Variants in PIK3R3 observed in about 807,000 individuals in gnomAD.
The protein encoded by PIK3R3 is phosphoinositide-3-kinase regulatory subunit 3.
A neutral mutation model predicts 62.9 loss-of-function variants in PIK3R3; 64 were observed. That is an observed-to-expected ratio of 1.02 (90% CI 0.83 to 1.25). The LOEUF is 1.25. PIK3R3 is among the 50% of genes most tolerant of loss of function. The pLI is 0.00. For synonymous variants in PIK3R3, 165 were observed against 189.0 expected (o/e 0.87, Z 1.04); for missense variants, 614 against 561.6 (o/e 1.09, Z -0.94).
chr1:46,088,851 G>C (rs12123155), intron 1 of PIK3R3, among the ~76,000 whole-genome samples: 17,181 of 145,770 alleles, frequency 0.12, 1,353 homozygotes, highest in Non-Finnish European at 0.17. Flanking sequence ...TGGGGGAAAA[G>C]AGAAGGTCCT....
rs1201576767 is a variant in PIK3R3, at chr1:46,051,325, AT to A, written c.941+4469del. Among the ~76,000 whole-genome samples, 4 of 151,790 alleles carry A rather than the reference AT, an allele frequency of 2.6e-5. No homozygotes were observed. The East Asian group carries it at 7.7e-4, about 29-fold the overall frequency. On this transcript the variant is annotated intron_variant, in intron 7 of 9. Coordinates refer to ENST00000262741, the MANE Select transcript of PIK3R3 (RefSeq NM_003629.4). ...GCCCAGGCTAGAGTGCAGTGGGGCG[AT>A]CTCAGCTCACTGCAACCTCCACCTC... is the stretch of plus-strand genomic sequence containing the variant.
Position 46,045,927 on chromosome 1 carries a change from C to T in PIK3R3, c.1178G>A (p.Cys393Tyr). The T allele has an allele frequency of 2.5e-6, 4 of 1,613,094 alleles. No homozygotes were observed. Among genetic ancestry groups the T allele is most frequent in the Non-Finnish European group, 3.4e-6 (4 of 1,179,478 alleles). The change falls in exon 9 of 10, where the codon TGC (cysteine) becomes TAC (tyrosine). Residue 393 changes from cysteine (C) to tyrosine (Y), a missense_variant. Cys to Tyr is a radical substitution (Grantham distance 194, BLOSUM62 -2). Coordinates refer to ENST00000262741, the MANE Select transcript of PIK3R3 (RefSeq NM_003629.4). ...RESSKKGCYA[C>Y]SVVADGEVKH... is the part of the protein sequence containing the mutation. ...CCCAGAGAAGACTTACACCACAGAGCAAGCATAGCATCCTTTCTTGCTACT... is the reference window on the plus strand; with the variant it reads ...CCCAGAGAAGACTTACACCACAGAGTAAGCATAGCATCCTTTCTTGCTACT...
chr1:46,064,651 T>G (rs1371429533), intron 5 of PIK3R3, among the ~76,000 whole-genome samples: 2 of 151,972 alleles, frequency 1.3e-5, no homozygotes, highest in East Asian at 3.9e-4. Context: ...AAATAAATAT[T>G]TGAAAGTCCC....
chr1:46,112,084 T>C (rs976863686), intron 1 of PIK3R3, among the ~76,000 whole-genome samples: 1 of 152,234 alleles, frequency 6.6e-6, no homozygotes, highest in Non-Finnish European at 1.5e-5. Flanking sequence ...TTTTGTTCAC[T>C]GTGATATGCC....
chr1:46,174,901 TCTC>T, the PIK3R3 span, among the ~76,000 whole-genome samples: 2 of 151,318 alleles, frequency 1.3e-5, no homozygotes, highest in Non-Finnish European at 3.0e-5. Flanking sequence ...TTCTCCATGT[TCTC>T]CTCCTTTAGG....
chr1:46,066,843 A>G, intron 4 of PIK3R3, 68 bp downstream of exon 4: 1 of 1,218,024 alleles, frequency 8.2e-7, no homozygotes, highest in Admixed American at 1.8e-5. Flanking sequence ...AAGCCTGGTA[A>G]ATAAAATCAA....
intron 1 of PIK3R3, among the ~76,000 whole-genome samples, chr1:46,104,668 C>G (rs1374589899): frequency 6.6e-6 from 1 of 152,126 alleles, no homozygotes; most frequent in Admixed American, 6.5e-5. Context: ...GTGGCGCACA[C>G]CTGTAATCCC....
At chr1:46,101,695 A>G (rs1652692156) in intron 1 of PIK3R3, among the ~76,000 whole-genome samples, 1 of 152,246 alleles carries the variant, frequency 6.6e-6, no homozygotes, top group South Asian at 2.1e-4. Context: ...CAAAAGGACA[A>G]ATATTGTATG....
At chr1:46,150,647 C>A in the PIK3R3 span, among the ~76,000 whole-genome samples, 1 of 152,056 alleles carries the variant, frequency 6.6e-6, no homozygotes, top group Non-Finnish European at 1.5e-5. Context: ...TTTGGGGAAT[C>A]CCCCAAATTA....
At chr1:46,156,644 T>A in the PIK3R3 span, among the ~76,000 whole-genome samples, 1 of 152,112 alleles carries the variant, frequency 6.6e-6, no homozygotes, top group Admixed American at 6.6e-5. Context: ...GCCCCTGGAC[T>A]GAATGGGGCA....
In PIK3R3 at chr1:46,043,512, C is replaced by A. The variant is rs957204534; in HGVS notation, c.*161G>T. The A allele has an allele frequency of 2.0e-5, 13 of 634,888 alleles. No individual in the cohort carries two copies. The highest frequency in any genetic ancestry group is 3.3e-5 in the Non-Finnish European group (12 of 359,714). 39.3% of individuals were successfully genotyped at this position (634,888 alleles called of 1,614,324 possible). On this transcript the variant is annotated 3_prime_UTR_variant, in exon 10 of 10. Coordinates refer to ENST00000262741, the MANE Select transcript of PIK3R3 (RefSeq NM_003629.4). ...CCTAGAGAACCTCAGGCCTCTAATG[C>A]CCCCATCCCGGCCGGCTGCTGCTCG... is the stretch of plus-strand genomic sequence containing the variant.
At chr1:46,132,743 C>T, upstream of PIK3R3, 1 of 1,287,140 alleles carries the variant, frequency 7.8e-7, no homozygotes, top group East Asian at 5.6e-5. Flanking sequence ...GGACAGCAGG[C>T]ATCACCACCG....
At chr1:46,126,770 CA>C (rs1248470660) in intron 1 of PIK3R3, among the ~76,000 whole-genome samples, 44 of 137,544 alleles carry the variant, frequency 3.2e-4, no homozygotes, top group Admixed American at 2.2e-4. Flanking sequence ...GACCCTGTCT[CA>C]AAAAAAAAAG....
the PIK3R3 span, among the ~76,000 whole-genome samples, chr1:46,157,660 T>A: frequency 6.6e-6 from 1 of 152,232 alleles, no homozygotes; most frequent in African/African-American, 2.4e-5. Context: ...CTCCTCTCGC[T>A]GCAGTGAAGG....
chr1:46,043,340 CAAA>C lies in PIK3R3; in HGVS notation c.*330_*332del, dbSNP rs1339636900. The C allele has an allele frequency of 5.4e-6, 2 of 367,084 alleles. No individual in the cohort carries two copies. The highest frequency in any genetic ancestry group is 1.0e-5 in the Non-Finnish European group (2 of 196,066). 22.7% of individuals were successfully genotyped at this position (367,084 alleles called of 1,614,324 possible). A position where few individuals can be genotyped will look rare whatever the true frequency, so the allele number is the denominator to read the frequency against. ...AAGACATGGTCTCTTCAGAGGCTTCCAAATACAACCCCACCCGCTATAACCATC... is the reference window on the plus strand; with the variant it reads ...AAGACATGGTCTCTTCAGAGGCTTCCTACAACCCCACCCGCTATAACCATC... On this transcript the variant is annotated 3_prime_UTR_variant, in exon 10 of 10. Transcript: ENST00000262741.
At chr1:46,064,533 T>G (rs1396037711) in intron 5 of PIK3R3, among the ~76,000 whole-genome samples, 9 of 152,162 alleles carry the variant, frequency 5.9e-5, no homozygotes, top group Non-Finnish European at 1.0e-4. Flanking sequence ...AGAGCAAGAT[T>G]CTGTCTCATA....
intron 6 of PIK3R3, among the ~76,000 whole-genome samples, chr1:46,060,968 T>C (rs1648426275): frequency 6.6e-6 from 1 of 152,254 alleles, no homozygotes; most frequent in South Asian, 2.1e-4. Flanking sequence ...AGGATTTCAA[T>C]ATCCTTTTAG....
the PIK3R3 span, among the ~76,000 whole-genome samples, chr1:46,150,635 A>AT: frequency 2.6e-5 from 4 of 152,120 alleles, no homozygotes; most frequent in African/African-American, 9.7e-5. Context: ...TACTTTTTGA[A>AT]TTTTGGGGAA....
intron 3 of PIK3R3, among the ~76,000 whole-genome samples, chr1:46,071,790 A>G (rs987067762): frequency 3.4e-5 from 5 of 146,190 alleles, no homozygotes; most frequent in African/African-American, 1.0e-4. Context: ...TCCCTGCCGA[A>G]AAAATGCAGT....
Sources: allele counts gnomAD v4.1 joint callset (sites outside exome capture counted in the v4.1 genomes callset), GRCh38; gene constraint gnomAD v4.1.1; transcripts MANE v1.5; gene names NCBI Gene and HGNC (gene_info 2026-07-23, HGNC 2026-07-21).